Variants in GALNS observed in about 807,000 individuals in gnomAD.
The protein encoded by GALNS is galactosamine (N-acetyl)-6-sulfatase.
In GALNS, 65 loss-of-function variants were observed where a neutral mutation model predicts 65.9. The observed-to-expected ratio is 0.99, with a 90% CI of 0.81 to 1.21. The LOEUF is 1.21. Ranked by LOEUF, GALNS falls within the 50% of genes most tolerant of loss-of-function variation. The pLI is 0.00. For missense variants in GALNS, 776 were observed against 700.7 expected, an observed-to-expected ratio of 1.11 and a Z score of -1.21; for synonymous variants, 346 against 288.9, an observed-to-expected ratio of 1.20 and a Z score of -2.00.
At chr16:88,843,307 T>G in intron 1 of GALNS, 258 of 800,656 alleles carry the variant, frequency 3.2e-4, no homozygotes, top group Non-Finnish European at 4.3e-4. Flanking sequence ...GACCCTGCAG[T>G]TCCACGCTGC....
Position 88,856,135 on chromosome 16 carries a change from C to T in GALNS, c.120+623G>A, listed in dbSNP as rs536238477. ...AAGGAGGCCTCCAGGCTGGCTGTGA[C>T]CCCTGACCCCGCACTTGCCCACCAG... On this transcript the variant is annotated intron_variant, in intron 1 of 13. Coordinates refer to ENST00000268695, the MANE Select transcript of GALNS (RefSeq NM_000512.5). 1.6e-5 allele frequency: 11 copies of T among 701,848 alleles called. No homozygotes were observed. The African/African-American group carries it at 1.9e-4, about 12-fold the overall frequency. The allele number at this position is 701,848 out of a possible 1,614,324, so 43.5% of individuals were successfully genotyped here.
At chr16:88,855,424 T>G (rs2143011672) in intron 1 of GALNS, 1 of 702,772 alleles carries the variant, frequency 1.4e-6, no homozygotes, top group East Asian at 2.7e-5. Flanking sequence ...GCAAAGTATC[T>G]TTAGGAGGGA....
chr16:88,835,111 A>G, intron 8 of GALNS, 102 bp downstream of exon 8: 1 of 1,454,796 alleles, frequency 6.9e-7, no homozygotes, highest in Non-Finnish European at 9.4e-7. Flanking sequence ...GGGACCCTTC[A>G]TGCTCTGCCC....
chr16:88,816,350 C>G, intron 13 of GALNS: 1 of 985,442 alleles, frequency 1.0e-6, no homozygotes, highest in South Asian at 4.7e-5. Flanking sequence ...AAGGCCAGGG[C>G]TCCTCCACGG....
At chr16:88,835,899 A>G in intron 6 of GALNS, 50 bp from the exon 7 acceptor site, 1 of 1,610,074 alleles carries the variant, frequency 6.2e-7, no homozygotes, top group East Asian at 2.2e-5. Context: ...CGACCTCCTC[A>G]TGCCTCCCAC....
intron 12 of GALNS, among the ~76,000 whole-genome samples, chr16:88,818,603 G>T (rs1340817476): frequency 4.6e-5 from 7 of 152,248 alleles, no homozygotes; most frequent in Non-Finnish European, 1.0e-4. Context: ...GCTGCGGAGT[G>T]TTTGGATTCC....
In GALNS at chr16:88,840,059, C is replaced by A. The variant is rs1237342746; in HGVS notation, c.422+933G>T. On this transcript the variant is annotated intron_variant, in intron 4 of 13. Transcript: ENST00000268695. Reference sequence around the variant, plus strand: ...ATGCAGGCTGCGTGGGGCCCAACCTCCCTGTGTGAGGACTCTGCAGCTGCT... The same window carrying A: ...ATGCAGGCTGCGTGGGGCCCAACCTACCTGTGTGAGGACTCTGCAGCTGCT... Among the ~76,000 whole-genome samples the A allele has an allele frequency of 6.6e-6, 1 of 152,228 alleles. No individual in the cohort carries two copies. The highest frequency in any genetic ancestry group is 1.9e-4 in the East Asian group (1 of 5,204).
intron 11 of GALNS, 54 bp from the exon 12 acceptor site, chr16:88,822,764 G>A (rs769395257): frequency 2.5e-5 from 40 of 1,597,306 alleles, no homozygotes; most frequent in Non-Finnish European, 3.4e-5. Context: ...GCGGCCGTGA[G>A]GGGCCTCGTC....
intron 1 of GALNS, among the ~76,000 whole-genome samples, chr16:88,854,152 C>T (rs1249971800): frequency 6.6e-6 from 1 of 152,228 alleles, no homozygotes; most frequent in Non-Finnish European, 1.5e-5. Context: ...GAGACATGCA[C>T]ACTCGTCCTC....
intron 5 of GALNS, among the ~76,000 whole-genome samples, chr16:88,837,232 TG>T (rs1280359195): frequency 6.6e-6 from 1 of 152,142 alleles, no homozygotes; most frequent in East Asian, 1.9e-4. Flanking sequence ...TGGCTCCCAG[TG>T]GGGGTTTCAT....
At chr16:88,821,601 G>T (rs904436151) in intron 12 of GALNS, among the ~76,000 whole-genome samples, 2 of 152,198 alleles carry the variant, frequency 1.3e-5, no homozygotes, top group Non-Finnish European at 2.9e-5. Context: ...GAGCCTCACC[G>T]CAGGCTCAGC....
intron 9 of GALNS, among the ~76,000 whole-genome samples, chr16:88,827,782 C>T (rs1255448063): frequency 1.3e-5 from 2 of 152,130 alleles, no homozygotes; most frequent in African/African-American, 2.4e-5. Flanking sequence ...TTGGGTCACT[C>T]GACGGGGAGA....
chr16:88,824,412 GC>G (rs1301292530), intron 11 of GALNS, among the ~76,000 whole-genome samples: 2 of 152,176 alleles, frequency 1.3e-5, no homozygotes, highest in Non-Finnish European at 2.9e-5. Flanking sequence ...CCTGGGCCAA[GC>G]AGGCCACGTC....
chr16:88,843,237 G>C, intron 1 of GALNS: 1 of 1,293,578 alleles, frequency 7.7e-7, no homozygotes, highest in Middle Eastern at 2.1e-4. Flanking sequence ...TCGTATGTCT[G>C]TACACGTCTA....
At chr16:88,845,687 T>C (rs1967211141) in intron 1 of GALNS, 1 of 149,654 alleles carries the variant, frequency 6.7e-6, no homozygotes, top group Non-Finnish European at 1.5e-5. Context: ...GAGGTTGCAG[T>C]GAGCCGAGAT....
chr16:88,833,673 ACCT>A (rs1303690486), intron 8 of GALNS, among the ~76,000 whole-genome samples: 1 of 151,180 alleles, frequency 6.6e-6, no homozygotes, highest in Non-Finnish European at 1.5e-5. Context: ...GATGGTCTCG[ACCT>A]CCTGACCTCG....
chr16:88,849,258 G>A (rs1041136291), intron 1 of GALNS, among the ~76,000 whole-genome samples: 2 of 152,108 alleles, frequency 1.3e-5, no homozygotes, highest in Non-Finnish European at 2.9e-5. Flanking sequence ...GGGACTACAG[G>A]CACATGCCAC....
rs867994726 is a variant in GALNS, at chr16:88,815,058, C to T, written c.1483-533G>A. 54 of 909,292 alleles carry T rather than the reference C, an allele frequency of 5.9e-5. No homozygotes were observed. In the South Asian group the frequency reaches 2.5e-3, roughly 41 times the overall value. 56.3% of individuals were successfully genotyped at this position (909,292 alleles called of 1,614,324 possible). ...TCGAGCAGTTTTGATGTGTCCCCTGCCCAGGTCAACCCCGGACCCCAACCA... is the reference window on the plus strand; with the variant it reads ...TCGAGCAGTTTTGATGTGTCCCCTGTCCAGGTCAACCCCGGACCCCAACCA... On this transcript the variant is annotated intron_variant, in intron 13 of 13. Transcript: ENST00000268695.
chr16:88,824,931 G>A (rs1910651230), intron 10 of GALNS, 62 bp from the exon 11 acceptor site: 1 of 1,333,304 alleles, frequency 7.5e-7, no homozygotes, highest in Non-Finnish European at 1.1e-6. Context: ...CCACCTGGAG[G>A]CTCTGGGCTG....
Sources: gnomAD v4.1 joint callset for allele counts (sites outside exome capture counted in the v4.1 genomes callset) on GRCh38, gnomAD v4.1.1 for gene constraint, MANE v1.5 for transcripts, NCBI Gene and HGNC (gene_info 2026-07-23, HGNC 2026-07-21) for gene names.